CEP128: variants seen among roughly 807,000 people sequenced by gnomAD.
CEP128 encodes the protein centrosomal protein 128kDa.
CEP128 carries 132 observed loss-of-function variants against 156.7 expected under a neutral mutation model. The observed-to-expected ratio is 0.84, with a 90% CI of 0.73 to 0.97. CEP128 has a LOEUF of 0.97. CEP128 is among the 50% of genes least tolerant of loss of function. The pLI, the probability that CEP128 is intolerant of heterozygous loss-of-function variation, is 0.00. For missense variants in CEP128, 1,252 were observed against 1,281.9 expected, an observed-to-expected ratio of 0.98 and a Z score of 0.36; for synonymous variants, 469 against 448.9, an observed-to-expected ratio of 1.04 and a Z score of -0.57.
chr14:80,511,058 T>TA (rs1186368318), intron 23 of CEP128, among the ~76,000 whole-genome samples: 1 of 151,052 alleles, frequency 6.6e-6, no homozygotes, highest in Non-Finnish European at 1.5e-5. Context: ...TGTGGGTTTT[T>TA]TTTTTCCTTT....
intron 19 of CEP128, among the ~76,000 whole-genome samples, chr14:80,587,465 T>C (rs1034891964): frequency 2.2e-4 from 34 of 152,310 alleles, no homozygotes; most frequent in African/African-American, 8.2e-4. Flanking sequence ...CAGGTACTCA[T>C]GTTTTTCTTT....
intron 19 of CEP128, among the ~76,000 whole-genome samples, chr14:80,629,317 TGTA>T (rs994062430): frequency 3.3e-5 from 5 of 152,164 alleles, no homozygotes; most frequent in Admixed American, 2.0e-4. Flanking sequence ...CTTGAAGAGT[TGTA>T]GTGAAGATTA....
intron 2 of CEP128, among the ~76,000 whole-genome samples, chr14:80,921,757 AG>A (rs1323938663): frequency 1.3e-5 from 2 of 152,144 alleles, no homozygotes; most frequent in Admixed American, 6.5e-5. Context: ...TCAGCTCAGG[AG>A]TTTGAGACCA....
chr14:80,765,290 A>G (rs1172431047), intron 16 of CEP128, among the ~76,000 whole-genome samples: 2 of 152,240 alleles, frequency 1.3e-5, no homozygotes, highest in African/African-American at 2.4e-5. Flanking sequence ...TTCATGTTTT[A>G]GAAATAGATG....
At chr14:80,675,400 G>A (rs139199762) in intron 19 of CEP128, among the ~76,000 whole-genome samples, 6 of 152,084 alleles carry the variant, frequency 3.9e-5, no homozygotes, top group East Asian at 1.9e-4. Context: ...AAAAATTTAC[G>A]CTACGCCAAT....
intron 24 of CEP128, 120 bp from the exon 25 acceptor site, chr14:80,497,702 A>T: frequency 1.5e-6 from 1 of 664,378 alleles, no homozygotes; most frequent in Non-Finnish European, 2.6e-6. Flanking sequence ...TCTATAATTA[A>T]ACTTCACATG....
chr14:80,725,961 T>G (rs1296197859), intron 19 of CEP128, among the ~76,000 whole-genome samples: 1 of 152,226 alleles, frequency 6.6e-6, no homozygotes, highest in Non-Finnish European at 1.5e-5. Flanking sequence ...TTACCTTGAA[T>G]AAGGAACAAG....
intron 19 of CEP128, among the ~76,000 whole-genome samples, chr14:80,713,267 C>T (rs941578522): frequency 1.8e-4 from 28 of 152,222 alleles, no homozygotes; most frequent in Non-Finnish European, 3.1e-4. Context: ...ACATTTTCCG[C>T]GGTGATCTTT....
intron 19 of CEP128, among the ~76,000 whole-genome samples, chr14:80,675,841 C>G (rs576881898): frequency 6.6e-6 from 1 of 152,072 alleles, no homozygotes; most frequent in Non-Finnish European, 1.5e-5. Flanking sequence ...CTATTCCCCC[C>G]TCAATGTTCA....
intron 8 of CEP128, among the ~76,000 whole-genome samples, chr14:80,871,820 G>C (rs1018001049): frequency 3.8e-4 from 57 of 151,986 alleles, no homozygotes; most frequent in African/African-American, 1.4e-3. Flanking sequence ...AAAATAACAA[G>C]AATAAAAATT....
chr14:80,607,420 C>T (rs1318517108), intron 19 of CEP128, among the ~76,000 whole-genome samples: 5 of 152,082 alleles, frequency 3.3e-5, no homozygotes, highest in African/African-American at 1.2e-4. Flanking sequence ...AAGAGAAAGA[C>T]CCCTTTTGGA....
At chr14:80,526,555 T>C (rs530191825) in intron 23 of CEP128, 9 of 200,092 alleles carry the variant, frequency 4.5e-5, no homozygotes, top group Non-Finnish European at 9.1e-5. Context: ...AAGGTGATCA[T>C]CACACTAAGA....
chr14:80,539,159 A>G (rs1425702417), intron 21 of CEP128, among the ~76,000 whole-genome samples: 2 of 151,632 alleles, frequency 1.3e-5, no homozygotes, highest in South Asian at 2.1e-4. Flanking sequence ...CTCTGTCCTC[A>G]GGAACAGAAA....
intron 8 of CEP128, among the ~76,000 whole-genome samples, chr14:80,865,746 C>T (rs1887737411): frequency 6.6e-6 from 1 of 152,110 alleles, no homozygotes; most frequent in African/African-American, 2.4e-5. Flanking sequence ...ATAAAGCAGG[C>T]TGCCATGTTA....
chr14:80,700,483 T>A (rs946258728), intron 19 of CEP128, among the ~76,000 whole-genome samples: 11 of 151,634 alleles, frequency 7.3e-5, no homozygotes, highest in African/African-American at 2.4e-4. Flanking sequence ...TGGTAGAAAA[T>A]AAACCAAAGA....
intron 19 of CEP128, among the ~76,000 whole-genome samples, chr14:80,601,770 G>A (rs1195761753): frequency 6.6e-6 from 1 of 152,042 alleles, no homozygotes; most frequent in African/African-American, 2.4e-5. Context: ...CATTATGATG[G>A]CTATGACATC....
chr14:80,824,908 G>A (rs1376485748), intron 13 of CEP128, among the ~76,000 whole-genome samples: 1 of 152,162 alleles, frequency 6.6e-6, no homozygotes, highest in South Asian at 2.1e-4. Context: ...TCATGTTGCT[G>A]ATAAAGACAC....
chr14:80,647,375 T>A (rs941835886), intron 19 of CEP128, among the ~76,000 whole-genome samples: 2 of 151,892 alleles, frequency 1.3e-5, no homozygotes, highest in African/African-American at 4.8e-5. Flanking sequence ...TTGCATTCTG[T>A]TCAGTACTTC....
chr14:80,913,510 G>A (rs1884367272), intron 4 of CEP128, among the ~76,000 whole-genome samples: 1 of 152,134 alleles, frequency 6.6e-6, no homozygotes, highest in African/African-American at 2.4e-5. Flanking sequence ...CTTTTGAGTG[G>A]GGCTCAAAGG....
Sources: allele counts gnomAD v4.1 joint callset (sites outside exome capture counted in the v4.1 genomes callset), GRCh38; gene constraint gnomAD v4.1.1; transcripts MANE v1.5; gene names NCBI Gene and HGNC (gene_info 2026-07-23, HGNC 2026-07-21).